The following MACROD2 variants were observed in gnomAD, a reference collection of about 807,000 sequenced individuals.
The protein encoded by MACROD2 is ADP-ribose glycohydrolase MACROD2.
MACROD2 carries 36 observed loss-of-function variants against 70.4 expected under a neutral mutation model. The ratio of observed to expected loss-of-function variants is 0.51; its 90% CI spans 0.39 to 0.68. The LOEUF (loss-of-function observed/expected upper bound fraction) is 0.68, where lower values mean the gene tolerates loss of function less well. Ranked by LOEUF, MACROD2 falls within the 30% of genes least tolerant of loss-of-function variation. The pLI is 0.00. For missense variants in MACROD2, 496 were observed against 538.4 expected, an observed-to-expected ratio of 0.92 and a Z score of 0.78; for synonymous variants, 172 against 178.8, an observed-to-expected ratio of 0.96 and a Z score of 0.30.
At chr20:15,741,666 A>G (rs1212903186) in intron 8 of MACROD2, among the ~76,000 whole-genome samples, 1 of 152,032 alleles carries the variant, frequency 6.6e-6, no homozygotes, top group African/African-American at 2.4e-5. Context: ...CTCCCACTCC[A>G]ATAGCTCCTT....
chr20:15,401,041 TC>T (rs2045922065), intron 6 of MACROD2, among the ~76,000 whole-genome samples: 1 of 146,486 alleles, frequency 6.8e-6, no homozygotes, highest in Admixed American at 6.6e-5. Context: ...GGCAGCTTGT[TC>T]TTTTTTTTTT....
intron 5 of MACROD2, among the ~76,000 whole-genome samples, chr20:15,131,526 T>C (rs1026670272): frequency 7.2e-5 from 11 of 152,088 alleles, no homozygotes; most frequent in African/African-American, 2.7e-4. Context: ...GAATAATCAT[T>C]GATATCATTT....
intron 4 of MACROD2, among the ~76,000 whole-genome samples, chr20:14,671,170 T>A (rs1295439058): frequency 6.6e-6 from 1 of 152,204 alleles, no homozygotes; most frequent in South Asian, 2.1e-4. Flanking sequence ...CACCAATCTA[T>A]GTCATAATGA....
intron 5 of MACROD2, among the ~76,000 whole-genome samples, chr20:14,820,779 T>C (rs1310950274): frequency 6.6e-6 from 1 of 152,020 alleles, no homozygotes; most frequent in Non-Finnish European, 1.5e-5. Flanking sequence ...TCATAGGGAT[T>C]TTACTTACTC....
chr20:15,752,619 G>C (rs1008236206), intron 8 of MACROD2, among the ~76,000 whole-genome samples: 2 of 152,068 alleles, frequency 1.3e-5, no homozygotes, highest in African/African-American at 4.8e-5. Context: ...TCATTGCATG[G>C]TTTCTTCTTT....
chr20:15,901,730 A>G (rs138245742), intron 10 of MACROD2, among the ~76,000 whole-genome samples: 27 of 152,286 alleles, frequency 1.8e-4, no homozygotes, highest in Middle Eastern at 3.4e-3. Flanking sequence ...ACCATTTCTC[A>G]ATCTCTACTT....
intron 8 of MACROD2, among the ~76,000 whole-genome samples, chr20:15,759,109 G>A (rs1445430397): frequency 3.9e-5 from 5 of 128,122 alleles, no homozygotes; most frequent in Non-Finnish European, 6.2e-5. Flanking sequence ...TTGCGCCACT[G>A]TACTCCAGCC....
At chr20:15,990,275 T>C (rs1489330669) in intron 15 of MACROD2, among the ~76,000 whole-genome samples, 2 of 152,150 alleles carry the variant, frequency 1.3e-5, no homozygotes, top group Non-Finnish European at 2.9e-5. Flanking sequence ...AGTAATATTA[T>C]AGAAGATCTC....
At chr20:15,074,035 G>A (rs980308779) in intron 5 of MACROD2, among the ~76,000 whole-genome samples, 2 of 152,144 alleles carry the variant, frequency 1.3e-5, no homozygotes, top group African/African-American at 4.8e-5. Flanking sequence ...GCAATCAATA[G>A]CCAAAATCCA....
intron 8 of MACROD2, among the ~76,000 whole-genome samples, chr20:15,764,505 A>G (rs1568547620): frequency 6.6e-6 from 1 of 152,064 alleles, no homozygotes. Context: ...TGGCCTCACC[A>G]TTCACCCATT....
chr20:14,470,445 G>A (rs527882751), intron 3 of MACROD2, among the ~76,000 whole-genome samples: 2 of 152,308 alleles, frequency 1.3e-5, no homozygotes, highest in South Asian at 4.1e-4. Context: ...CCTTAGCAGA[G>A]CTCAAGTGCT....
At chr20:14,261,780 C>G (rs537554761) in intron 3 of MACROD2, among the ~76,000 whole-genome samples, 1 of 152,282 alleles carries the variant, frequency 6.6e-6, no homozygotes, top group African/African-American at 2.4e-5. Flanking sequence ...CTACAATATA[C>G]TTTACATATA....
intron 8 of MACROD2, among the ~76,000 whole-genome samples, chr20:15,788,995 T>C (rs937087193): frequency 1.3e-5 from 2 of 152,228 alleles, no homozygotes; most frequent in Admixed American, 1.3e-4. Flanking sequence ...CTTTGCATAT[T>C]TGTCTAATAG....
intron 4 of MACROD2, among the ~76,000 whole-genome samples, chr20:14,602,257 A>C (rs1333586749): frequency 6.6e-6 from 1 of 152,184 alleles, no homozygotes; most frequent in Admixed American, 6.5e-5. Flanking sequence ...CATGAGGCAC[A>C]AATTCCTGGT....
chr20:15,242,205 A>G (rs1285112142), intron 6 of MACROD2, among the ~76,000 whole-genome samples: 18 of 152,232 alleles, frequency 1.2e-4, no homozygotes, highest in Non-Finnish European at 1.0e-4. Context: ...ATGAGAAACT[A>G]TAGGCGGACC....
chr20:15,260,058 G>A (rs2077234854), intron 6 of MACROD2, among the ~76,000 whole-genome samples: 1 of 151,584 alleles, frequency 6.6e-6, no homozygotes, highest in South Asian at 2.1e-4. Context: ...TTTCATATAG[G>A]CATACAATGT....
Position 15,744,693 on chromosome 20 carries a change from T to TACAC in MACROD2, c.646-118011_646-118008dup, listed in dbSNP as rs11467530. ...GTTGCAAAGAGACAGAAACCAAGTA[T>TACAC]ACACACACACACACACACACACACA... On this transcript the variant is annotated intron_variant, in intron 8 of 17. Coordinates refer to ENST00000684519, the MANE Select transcript of MACROD2 (RefSeq NM_001351661.2). 3.1e-3 allele frequency among the ~76,000 whole-genome samples: 461 copies of TACAC among 148,324 alleles called. 1 individual carries two copies. The highest frequency in any genetic ancestry group is 8.6e-3 in the African/African-American group (350 of 40,518).
chr20:14,480,908 C>G (rs1439402767), intron 3 of MACROD2, among the ~76,000 whole-genome samples: 2 of 151,984 alleles, frequency 1.3e-5, no homozygotes, highest in Non-Finnish European at 2.9e-5. Flanking sequence ...AACAATGTAA[C>G]TAACATTTTA....
intron 6 of MACROD2, among the ~76,000 whole-genome samples, chr20:15,375,109 A>G (rs2045544721): frequency 6.6e-6 from 1 of 152,178 alleles, no homozygotes; most frequent in Admixed American, 6.5e-5. Flanking sequence ...AAATGTTTCA[A>G]CTGTCTATAT....
Sources: allele counts gnomAD v4.1 joint callset (sites outside exome capture counted in the v4.1 genomes callset), GRCh38; gene constraint gnomAD v4.1.1; transcripts MANE v1.5; gene names NCBI Gene and HGNC (gene_info 2026-07-23, HGNC 2026-07-21).